Variants in COLEC12 observed in about 807,000 individuals in gnomAD.
The protein encoded by COLEC12 is collectin-12.
A neutral mutation model predicts 71.1 loss-of-function variants in COLEC12; 33 were observed. The ratio of observed to expected loss-of-function variants is 0.46; its 90% CI spans 0.35 to 0.62. COLEC12 has a LOEUF of 0.62. COLEC12 is among the 20% of genes least tolerant of loss of function. The probability of loss-of-function intolerance (pLI) is 0.00; values close to 1 mark genes in which losing one functional copy is unlikely to be tolerated. For missense variants in COLEC12, 765 were observed against 916.1 expected, an observed-to-expected ratio of 0.84 and a Z score of 2.13; for synonymous variants, 350 against 353.0, an observed-to-expected ratio of 0.99 and a Z score of 0.10.
chr18:499,620 TTG>T, intron 1 of COLEC12, among the ~76,000 whole-genome samples: 1 of 152,342 alleles, frequency 6.6e-6, no homozygotes, highest in Admixed American at 6.5e-5. Context: ...ACACGAAGCC[TTG>T]TGTAAACACC....
In COLEC12 at chr18:408,126, G is replaced by A. The variant is rs759634062; in HGVS notation, c.59-50604C>T. On this transcript the variant is annotated intron_variant, in intron 2 of 9. Coordinates refer to ENST00000400256, the MANE Select transcript of COLEC12 (RefSeq NM_130386.3). The surrounding 1 kb of genome is among the most constrained non-coding windows in gnomAD (Gnocchi z 4.3). ...TGCAAGAGGTTAAGTCAATTTCTTT[G>A]GTTTTCAGCATGGTGTGAGGACAGT... Among the ~76,000 whole-genome samples the A allele has an allele frequency of 5.3e-5, 8 of 152,136 alleles. No individual in the cohort carries two copies. Among genetic ancestry groups the A allele is most frequent in the Non-Finnish European group, 1.0e-4 (7 of 68,018 alleles).
rs115143332 is a variant in COLEC12, at chr18:349,753, G to A, written c.182-1590C>T. On this transcript the variant is annotated intron_variant, in intron 3 of 9. Coordinates refer to ENST00000400256, the MANE Select transcript of COLEC12 (RefSeq NM_130386.3). ...TTGCGTCAGCATGACCGGGATGTGC[G>A]ACCTGGAGTCAAAGGAGATAATTGT... Among the ~76,000 whole-genome samples, 595 of 152,312 alleles carry A rather than the reference G, an allele frequency of 3.9e-3. 10 individuals carry two copies. Among genetic ancestry groups the A allele is most frequent in the African/African-American group, 0.014 (566 of 41,572 alleles).
At position 452,112 on chromosome 18, in the gene COLEC12, A is replaced by C. The variant is rs556912127; in HGVS notation, c.58+28595T>G. 3.3e-5 allele frequency among the ~76,000 whole-genome samples: 5 copies of C among 152,344 alleles called. No homozygotes were observed. In the East Asian group the frequency reaches 9.7e-4, roughly 29 times the overall value. On this transcript the variant is annotated intron_variant, in intron 2 of 9. Transcript: ENST00000400256. ...TTAAATGCCCAACTATGCGTGATCT[A>C]GTGTTAAGCAGAATAGATATTGTTG...
At chr18:404,301 C>T (rs1453570447) in intron 2 of COLEC12, among the ~76,000 whole-genome samples, 1 of 152,160 alleles carries the variant, frequency 6.6e-6, no homozygotes, top group Non-Finnish European at 1.5e-5. Context: ...CCTCTGCCTG[C>T]TATTTGCAAG....
chr18:339,265 TTC>T (rs1914190024), intron 5 of COLEC12, among the ~76,000 whole-genome samples: 1 of 152,188 alleles, frequency 6.6e-6, no homozygotes. Flanking sequence ...CAGCTTTTCA[TTC>T]ATCCTATTTC....
At chr18:341,095 A>G (rs1175651717) in intron 5 of COLEC12, among the ~76,000 whole-genome samples, 1 of 152,194 alleles carries the variant, frequency 6.6e-6, no homozygotes, top group East Asian at 1.9e-4. Context: ...GTCAACCTTC[A>G]TGTGCACCTT....
chr18:388,251 ACAATTG>A (rs1915388875), intron 2 of COLEC12, among the ~76,000 whole-genome samples: 1 of 152,240 alleles, frequency 6.6e-6, no homozygotes, highest in African/African-American at 2.4e-5. Context: ...CTCAACTTCC[ACAATTG>A]CAAGACACAT....
At chr18:387,506 A>G (rs967459167) in intron 2 of COLEC12, among the ~76,000 whole-genome samples, 3 of 152,076 alleles carry the variant, frequency 2.0e-5, no homozygotes, top group Non-Finnish European at 4.4e-5. Flanking sequence ...GTGGCTTCCA[A>G]TTTAAGCCTA....
At chr18:491,227 G>C (rs1330821717) in intron 1 of COLEC12, among the ~76,000 whole-genome samples, 1 of 152,220 alleles carries the variant, frequency 6.6e-6, no homozygotes, top group Non-Finnish European at 1.5e-5. Flanking sequence ...TTTCATATGG[G>C]AATGGTGGCT....
At chr18:492,397 G>A (rs997534344) in intron 1 of COLEC12, among the ~76,000 whole-genome samples, 2 of 152,286 alleles carry the variant, frequency 1.3e-5, no homozygotes, top group African/African-American at 4.8e-5. Context: ...AGTTGGCAGT[G>A]GGGGCTAAAT....
intron 2 of COLEC12, among the ~76,000 whole-genome samples, chr18:394,414 G>C (rs1488944346): frequency 6.6e-6 from 1 of 152,244 alleles, no homozygotes; most frequent in Non-Finnish European, 1.5e-5. Flanking sequence ...TCTAGTGCTA[G>C]AACAGTGGGT....
At chr18:390,366 G>A (rs932045462) in intron 2 of COLEC12, among the ~76,000 whole-genome samples, 6 of 152,236 alleles carry the variant, frequency 3.9e-5, no homozygotes, top group Non-Finnish European at 8.8e-5. Context: ...AGAAACTACT[G>A]TCTGGGACTT....
intron 8 of COLEC12, among the ~76,000 whole-genome samples, chr18:331,132 G>A (rs1464707577): frequency 6.6e-6 from 1 of 151,926 alleles, no homozygotes; most frequent in Non-Finnish European, 1.5e-5. Context: ...CAAGTGATCC[G>A]CACACCTCAG....
At chr18:329,559 T>C (rs1913923183) in intron 8 of COLEC12, among the ~76,000 whole-genome samples, 1 of 152,224 alleles carries the variant, frequency 6.6e-6, no homozygotes, top group Non-Finnish European at 1.5e-5. Context: ...CCCTGCTGTG[T>C]TGGGCACTTT....
At position 317,689 on chromosome 18, in the gene COLEC12, T is replaced by C. The variant is rs530740700; in HGVS notation, c.*2356A>G. On this transcript the variant is annotated 3_prime_UTR_variant, in exon 10 of 10. Coordinates refer to ENST00000400256, the MANE Select transcript of COLEC12 (RefSeq NM_130386.3). ...AGTTTCTTCTGAAGACAAATTTTAA[T>C]TGACACTTGAAAACCAGGAAGAGCA... is the stretch of plus-strand genomic sequence containing the variant. 2 of 152,382 alleles carry C rather than the reference T, an allele frequency of 1.3e-5. No individual in the cohort carries two copies. The highest frequency in any genetic ancestry group is 6.5e-5 in the Admixed American group (1 of 15,308). 9.4% of individuals were successfully genotyped at this position (152,382 alleles called of 1,614,324 possible).
intron 2 of COLEC12, chr18:423,788 T>C (rs1000926064): frequency 5.9e-5 from 9 of 152,170 alleles, no homozygotes; most frequent in Admixed American, 1.3e-4. Flanking sequence ...TCTTTTACAA[T>C]TAAGGTTAAC....
intron 5 of COLEC12, among the ~76,000 whole-genome samples, chr18:337,865 G>T (rs1046158517): frequency 6.6e-6 from 1 of 151,938 alleles, no homozygotes; most frequent in African/African-American, 2.4e-5. Context: ...TCTTTTCCTC[G>T]CCCTGACCCT....
chr18:500,372 C>T lies in COLEC12; in HGVS notation c.7+136G>A, dbSNP rs962907252. On this transcript the variant is annotated intron_variant, in intron 1 of 9. Coordinates refer to ENST00000400256, the MANE Select transcript of COLEC12 (RefSeq NM_130386.3). The surrounding 1 kb of genome is among the most constrained non-coding windows in gnomAD (Gnocchi z 5.3). ...CGCCCCCAGTGTCCGCGCACGAACC[C>T]GGCGCCCTGGCAGCCCCGACTCCCC... 9.9e-6 allele frequency: 5 copies of T among 504,312 alleles called. No individual in the cohort carries two copies. Among genetic ancestry groups the T allele is most frequent in the Admixed American group, 5.0e-5 (1 of 20,082 alleles). 31.2% of individuals were successfully genotyped at this position (504,312 alleles called of 1,614,324 possible). A position where few individuals can be genotyped will look rare whatever the true frequency, so the allele number is the denominator to read the frequency against.
chr18:447,972 G>A (rs892869529), intron 2 of COLEC12, among the ~76,000 whole-genome samples: 5 of 152,132 alleles, frequency 3.3e-5, no homozygotes, highest in Non-Finnish European at 5.9e-5. Flanking sequence ...TTAGGGGTGG[G>A]ATGGAGGAGA....
Sources: gnomAD v4.1 joint callset for allele counts (sites outside exome capture counted in the v4.1 genomes callset) on GRCh38, gnomAD v4.1.1 for gene constraint, Gnocchi (gnomAD v3.1) non-coding constraint, MANE v1.5 for transcripts, NCBI Gene and HGNC (gene_info 2026-07-23, HGNC 2026-07-21) for gene names.